The following NALCN variants were observed in gnomAD, a reference collection of about 807,000 sequenced individuals.
NALCN encodes the protein sodium leak channel NALCN.
A neutral mutation model predicts 225.3 loss-of-function variants in NALCN; 111 were observed. The ratio of observed to expected loss-of-function variants is 0.49; its 90% confidence interval spans 0.42 to 0.58. The LOEUF (loss-of-function observed/expected upper bound fraction) is 0.58, where lower values mean the gene tolerates loss of function less well. Ranked by LOEUF, NALCN falls within the 20% of genes least tolerant of loss-of-function variation. NALCN has a pLI of 0.00. For missense variants in NALCN, 1,378 were observed against 2,202.4 expected (o/e 0.63, Z 7.49); for synonymous variants, 764 against 769.0 (o/e 0.99, Z 0.11).
rs2030987402 is a variant in NALCN, at chr13:101,054,666, T to TTCA, written c.*626_*628dup. 2.0e-5 allele frequency: 3 copies of TTCA among 152,184 alleles called. No homozygotes were observed. The highest frequency in any genetic ancestry group is 7.2e-5 in the African/African-American group (3 of 41,456). 9.4% of individuals were successfully genotyped at this position (152,184 alleles called of 1,614,324 possible). Reference sequence around the variant, plus strand: ...AATTTTCTTAGAAGGAGGCAACAGTTTCATTAACATAACTGAGGACAGAAA... The same window carrying TTCA: ...AATTTTCTTAGAAGGAGGCAACAGTTTCATCATTAACATAACTGAGGACAGAAA... On this transcript the variant is annotated 3_prime_UTR_variant, in exon 44 of 44. Coordinates refer to ENST00000251127, the MANE Select transcript of NALCN (RefSeq NM_052867.4).
chr13:101,231,297 C>G (rs2041338377), intron 12 of NALCN, among the ~76,000 whole-genome samples: 1 of 152,098 alleles, frequency 6.6e-6, no homozygotes, highest in Non-Finnish European at 1.5e-5. Context: ...AATTTATTCA[C>G]TCATTTGTTT....
intron 17 of NALCN, among the ~76,000 whole-genome samples, chr13:101,138,281 T>C (rs912217078): frequency 5.9e-5 from 9 of 152,218 alleles, no homozygotes; most frequent in African/African-American, 1.7e-4. Context: ...GTTGAATGAC[T>C]GAATGAATGT....
At chr13:101,308,978 T>C (rs1290984691) in intron 7 of NALCN, among the ~76,000 whole-genome samples, 1 of 152,182 alleles carries the variant, frequency 6.6e-6, no homozygotes, top group Non-Finnish European at 1.5e-5. Context: ...TAATGTCACA[T>C]AAAGATTTGC....
chr13:101,175,625 G>A (rs1298827315), intron 15 of NALCN, among the ~76,000 whole-genome samples: 3 of 152,088 alleles, frequency 2.0e-5, no homozygotes, highest in Admixed American at 6.6e-5. Flanking sequence ...ACTCTCTTGC[G>A]AGCTCTTCTT....
At chr13:101,161,604 G>A (rs1396260950) in intron 15 of NALCN, among the ~76,000 whole-genome samples, 1 of 152,178 alleles carries the variant, frequency 6.6e-6, no homozygotes, top group Non-Finnish European at 1.5e-5. Context: ...TGGTATGGTG[G>A]CTCATGCCTG....
At chr13:101,343,925 G>A (rs1204504088) in intron 7 of NALCN, among the ~76,000 whole-genome samples, 1 of 152,108 alleles carries the variant, frequency 6.6e-6, no homozygotes, top group Non-Finnish European at 1.5e-5. Flanking sequence ...TAAAAAATTG[G>A]AGGTTATTTT....
intron 6 of NALCN, among the ~76,000 whole-genome samples, chr13:101,352,507 T>G (rs1345828075): frequency 2.0e-5 from 3 of 152,186 alleles, no homozygotes; most frequent in African/African-American, 4.8e-5. Flanking sequence ...TCACCTTTTC[T>G]CTGGTGAGTG....
intron 7 of NALCN, among the ~76,000 whole-genome samples, chr13:101,337,810 T>C (rs1000314890): frequency 2.0e-5 from 3 of 152,124 alleles, no homozygotes; most frequent in Non-Finnish European, 2.9e-5. Context: ...TCTGGTAACG[T>C]AGTAGTTTGT....
intron 1 of NALCN, among the ~76,000 whole-genome samples, chr13:101,407,154 T>C (rs2047648652): frequency 6.6e-6 from 1 of 152,234 alleles, no homozygotes; most frequent in Non-Finnish European, 1.5e-5. Context: ...TCTGTTCTTC[T>C]AGCAAGGAAA....
chr13:101,366,633 T>A (rs902941463), intron 6 of NALCN, among the ~76,000 whole-genome samples: 1 of 152,168 alleles, frequency 6.6e-6, no homozygotes, highest in African/African-American at 2.4e-5. Flanking sequence ...ATACATTTTT[T>A]AAATAATAGT....
At chr13:101,225,425 T>C (rs988847547) in intron 13 of NALCN, among the ~76,000 whole-genome samples, 1 of 152,190 alleles carries the variant, frequency 6.6e-6, no homozygotes, top group African/African-American at 2.4e-5. Flanking sequence ...AGGAGGAGCA[T>C]CCAAGTCATT....
intron 10 of NALCN, among the ~76,000 whole-genome samples, chr13:101,260,100 C>A (rs1347167224): frequency 6.6e-6 from 1 of 151,876 alleles, no homozygotes; most frequent in African/African-American, 2.4e-5. Context: ...ATTTTGTGAT[C>A]CCACAAATAA....
chr13:101,059,776 C>T (rs780445317), intron 42 of NALCN, 42 bp downstream of exon 42: 1 of 1,584,166 alleles, frequency 6.3e-7, no homozygotes, highest in Admixed American at 1.7e-5. Flanking sequence ...AAGAAAGAAG[C>T]CCACAGAGTG....
At chr13:101,218,500 A>G (rs1458891994) in intron 13 of NALCN, among the ~76,000 whole-genome samples, 1 of 152,048 alleles carries the variant, frequency 6.6e-6, no homozygotes, top group Non-Finnish European at 1.5e-5. Flanking sequence ...TCCCATGGCC[A>G]TATCCCCGTG....
At position 101,152,046 on chromosome 13, in the gene NALCN, T is replaced by C. The variant is rs186846412; in HGVS notation, c.1840-7150A>G. On this transcript the variant is annotated intron_variant, in intron 15 of 43. Coordinates refer to ENST00000251127, the MANE Select transcript of NALCN (RefSeq NM_052867.4). ...TCAAAAAACATGTTTAAGTCACTAA[T>C]TTTTCCCCGTTTTACAAAAATATTT... is the stretch of plus-strand genomic sequence containing the variant. Among the ~76,000 whole-genome samples, 12 of 152,258 alleles carry C rather than the reference T, an allele frequency of 7.9e-5. No homozygotes were observed. In the East Asian group the frequency reaches 1.9e-3, roughly 24 times the overall value.
chr13:101,133,616 G>A (rs1347268827), intron 17 of NALCN, among the ~76,000 whole-genome samples: 1 of 152,064 alleles, frequency 6.6e-6, no homozygotes, highest in Non-Finnish European at 1.5e-5. Flanking sequence ...ATGCACCCGT[G>A]AATTCATAAT....
chr13:101,178,631 C>T (rs903681664), intron 14 of NALCN, among the ~76,000 whole-genome samples: 4 of 152,152 alleles, frequency 2.6e-5, no homozygotes, highest in African/African-American at 4.8e-5. Context: ...AGTTGTAAAC[C>T]TACCTACTTG....
intron 15 of NALCN, among the ~76,000 whole-genome samples, chr13:101,175,509 T>C (rs914341155): frequency 6.6e-6 from 1 of 152,206 alleles, no homozygotes; most frequent in Non-Finnish European, 1.5e-5. Context: ...TGTGGTTCTG[T>C]CAACATTATA....
chr13:101,258,002 A>C (rs1451327650), intron 11 of NALCN, among the ~76,000 whole-genome samples: 1 of 152,234 alleles, frequency 6.6e-6, no homozygotes, highest in East Asian at 1.9e-4. Flanking sequence ...ACCCGTTTCT[A>C]GAGGAGTAAT....
Sources: gnomAD v4.1 joint callset for allele counts (sites outside exome capture counted in the v4.1 genomes callset) on GRCh38, gnomAD v4.1.1 for gene constraint, MANE v1.5 for transcripts, NCBI Gene and HGNC (gene_info 2026-07-23, HGNC 2026-07-21) for gene names.